The following GAREM1 variants were observed in gnomAD, a reference collection of about 807,000 sequenced individuals.
GAREM1 encodes GRB2 associated regulator of MAPK1 subtype 1.
In GAREM1, 26 loss-of-function variants were observed where a neutral mutation model predicts 71.3. The observed-to-expected ratio is 0.36, with a 90% CI of 0.27 to 0.51. The LOEUF (loss-of-function observed/expected upper bound fraction) is 0.51. Ranked by LOEUF, GAREM1 falls within the 20% of genes least tolerant of loss-of-function variation. The pLI is 0.95. For synonymous variants in GAREM1, 440 were observed against 433.2 expected, an observed-to-expected ratio of 1.02 and a Z score of -0.20; for missense variants, 1,026 against 1,103.1, an observed-to-expected ratio of 0.93 and a Z score of 0.99.
chr18:32,333,620 C>CA (rs888928658), intron 2 of GAREM1, among the ~76,000 whole-genome samples: 2 of 152,112 alleles, frequency 1.3e-5, no homozygotes, highest in African/African-American at 4.8e-5. Flanking sequence ...AAGTGGAAAC[C>CA]TCACCCACTC....
At chr18:32,413,269 G>A (rs907998713) in intron 1 of GAREM1, 5 of 1,460,260 alleles carry the variant, frequency 3.4e-6, no homozygotes, top group Non-Finnish European at 4.7e-6. Flanking sequence ...ATATTTGACA[G>A]TTTGGGGGAG....
At position 32,392,861 on chromosome 18, in the gene GAREM1, C is replaced by T. The variant is rs762697853; in HGVS notation, c.262+34G>A. 1.5e-5 allele frequency: 24 copies of T among 1,598,394 alleles called. No homozygotes were observed. The Admixed American group carries it at 2.7e-4, about 18-fold the overall frequency. On this transcript the variant is annotated intron_variant, in intron 2 of 5. Coordinates refer to ENST00000269209, the MANE Select transcript of GAREM1 (RefSeq NM_001242409.2). The stretch of plus-strand genomic sequence containing the variant: ...TTAGCTATTCACATCCCCTTTCTCT[C>T]GCTGCCTCATCTTGGCCCTTGGAGG...
intron 3 of GAREM1, among the ~76,000 whole-genome samples, chr18:32,295,963 C>CTTTTTT (rs112464339): frequency 6.8e-6 from 1 of 146,404 alleles, no homozygotes. Flanking sequence ...TTAGCTTTTT[C>CTTTTTT]TTTTTTTTTT....
chr18:32,317,042 T>A (rs1341483383), intron 2 of GAREM1, among the ~76,000 whole-genome samples: 2 of 152,176 alleles, frequency 1.3e-5, no homozygotes, highest in Non-Finnish European at 1.5e-5. Context: ...CAGGCCACAG[T>A]GTGCTGACTT....
chr18:32,330,828 G>A, intron 2 of GAREM1, among the ~76,000 whole-genome samples: 1 of 152,040 alleles, frequency 6.6e-6, no homozygotes, highest in East Asian at 1.9e-4. Context: ...GGAAACAGAA[G>A]GTGAGAAAAG....
At chr18:32,389,396 C>G (rs532772595) in intron 2 of GAREM1, among the ~76,000 whole-genome samples, 2 of 152,064 alleles carry the variant, frequency 1.3e-5, no homozygotes, top group Non-Finnish European at 2.9e-5. Flanking sequence ...GTTTCTCTTT[C>G]GATCTTCACA....
At position 32,268,728 on chromosome 18, in the gene GAREM1, G is replaced by A; in HGVS notation, c.1774C>T (p.Pro592Ser). 6.2e-7 allele frequency: 1 copy of A among 1,614,122 alleles called. No homozygotes were observed. The highest frequency in any genetic ancestry group is 8.5e-7 in the Non-Finnish European group (1 of 1,179,990). ...CGGTTACATGGATAGCAGGAAACAGGAGTGCTTTCAGAAGGATTTGTGTCA... is the reference window on the plus strand; with the variant it reads ...CGGTTACATGGATAGCAGGAAACAGAAGTGCTTTCAGAAGGATTTGTGTCA... ...KTDTNPSEST[P>S]VSCYPCNRVK... Residue 592 changes from proline to serine, a missense_variant, in exon 6 of 6, where the codon CCT (proline) becomes TCT (serine). Pro to Ser is a moderately conservative substitution (Grantham distance 74). Around this residue, in one of 3 missense-constraint regions of GAREM1, gnomAD observed 636 missense variants for 631.2 expected, o/e 1.01. Transcript: ENST00000269209.
chr18:32,395,615 A>C (rs2048245871), intron 1 of GAREM1, among the ~76,000 whole-genome samples: 1 of 152,232 alleles, frequency 6.6e-6, no homozygotes, highest in Non-Finnish European at 1.5e-5. Flanking sequence ...AAGAAGACTT[A>C]GTCCCTACAT....
intron 2 of GAREM1, among the ~76,000 whole-genome samples, chr18:32,381,652 C>T (rs1051620728): frequency 2.6e-5 from 4 of 152,218 alleles, no homozygotes; most frequent in African/African-American, 7.2e-5. Flanking sequence ...TCATCCTCCA[C>T]TCCTGACCAA....
intron 3 of GAREM1, among the ~76,000 whole-genome samples, chr18:32,300,752 CA>C (rs1206452169): frequency 6.6e-6 from 1 of 151,010 alleles, no homozygotes; most frequent in African/African-American, 2.5e-5. Flanking sequence ...ACTAAAAATA[CA>C]AAATTAGCCA....
intron 1 of GAREM1, among the ~76,000 whole-genome samples, chr18:32,464,535 G>A (rs542026437): frequency 1.1e-4 from 17 of 152,128 alleles, no homozygotes; most frequent in South Asian, 1.0e-3. Flanking sequence ...CAGTCCCTCC[G>A]AAGCCCAATC....
intron 1 of GAREM1, among the ~76,000 whole-genome samples, chr18:32,439,114 T>C (rs763657063): frequency 1.6e-4 from 25 of 152,170 alleles, no homozygotes; most frequent in Non-Finnish European, 3.4e-4. Context: ...TTGCAAGACC[T>C]GGAGCTTAAA....
intron 1 of GAREM1, among the ~76,000 whole-genome samples, chr18:32,433,347 C>A (rs1451358248): frequency 6.6e-6 from 1 of 151,376 alleles, no homozygotes; most frequent in East Asian, 1.9e-4. Flanking sequence ...GGTGAAAGAA[C>A]AAATGTTTTC....
chr18:32,386,940 T>G (rs996159606), intron 2 of GAREM1, among the ~76,000 whole-genome samples: 4 of 151,884 alleles, frequency 2.6e-5, no homozygotes, highest in Non-Finnish European at 4.4e-5. Context: ...TTTTATAGAG[T>G]GGAGACTTGG....
intron 2 of GAREM1, among the ~76,000 whole-genome samples, chr18:32,389,092 CAA>C (rs978875971): frequency 2.0e-5 from 3 of 152,114 alleles, no homozygotes; most frequent in Admixed American, 1.3e-4. Context: ...TGATAAAAAA[CAA>C]ATGTGGCAAA....
intron 2 of GAREM1, among the ~76,000 whole-genome samples, chr18:32,338,570 C>A (rs117932377): frequency 6.2e-4 from 94 of 152,300 alleles, no homozygotes; most frequent in Non-Finnish European, 1.2e-3. Flanking sequence ...GCATTAAACA[C>A]CCTTAAAGCA....
intron 2 of GAREM1, among the ~76,000 whole-genome samples, chr18:32,359,545 C>T (rs2047842380): frequency 6.6e-6 from 1 of 152,106 alleles, no homozygotes; most frequent in African/African-American, 2.4e-5. Flanking sequence ...TGAGTAACTG[C>T]CTTACTTTTA....
At chr18:32,422,897 C>G (rs183825013) in intron 1 of GAREM1, among the ~76,000 whole-genome samples, 2 of 152,264 alleles carry the variant, frequency 1.3e-5, no homozygotes, top group African/African-American at 4.8e-5. Context: ...GAAATATGTA[C>G]AAGGTTCCTG....
intron 1 of GAREM1, among the ~76,000 whole-genome samples, chr18:32,397,747 C>T (rs929213122): frequency 2.6e-5 from 4 of 152,120 alleles, no homozygotes; most frequent in Non-Finnish European, 5.9e-5. Flanking sequence ...CAGATAGAGA[C>T]AGAAAGTTAA....
Sources: gnomAD v4.1 joint callset for allele counts (sites outside exome capture counted in the v4.1 genomes callset) on GRCh38, gnomAD v4.1.1 for gene constraint, gnomAD v4.1.1 regional missense constraint, MANE v1.5 for transcripts, NCBI Gene and HGNC (gene_info 2026-07-23, HGNC 2026-07-21) for gene names.